The following JAK1 variants were observed in gnomAD, a reference collection of about 807,000 sequenced individuals.
JAK1 encodes the protein Janus kinase 1.
A neutral mutation model predicts 136.6 loss-of-function variants in JAK1; 16 were observed. The observed-to-expected ratio is 0.12, with a 90% CI of 0.08 to 0.18. JAK1 has a LOEUF of 0.18. Among genes scored for constraint, JAK1 ranks in the 10% least tolerant of loss-of-function variants. The pLI is 1.00. For missense variants in JAK1, 859 were observed against 1,450.1 expected (o/e 0.59, Z 6.62); for synonymous variants, 492 against 519.5 (o/e 0.95, Z 0.72).
intron 3 of JAK1, among the ~76,000 whole-genome samples, chr1:64,881,888 A>C (rs1236847856): frequency 6.6e-6 from 1 of 152,218 alleles, no homozygotes; most frequent in East Asian, 1.9e-4. Context: ...AGCTTGGCGA[A>C]GAGAATAAAC....
intron 1 of JAK1, among the ~76,000 whole-genome samples, chr1:64,961,789 C>T (rs576543211): frequency 2.6e-5 from 4 of 152,288 alleles, no homozygotes; most frequent in Admixed American, 1.3e-4. Context: ...AAGGGCTCCA[C>T]GCAGGAATTA....
rs192975452 is a variant in JAK1 at position 65,055,909 on chromosome 1, A to G, written c.-180-11327T>C. Among the ~76,000 whole-genome samples the G allele has an allele frequency of 2.0e-3, 300 of 152,358 alleles. 2 individuals are homozygous for G. Among genetic ancestry groups the G allele is most frequent in the African/African-American group, 7.0e-3 (292 of 41,578 alleles). On this transcript the variant is annotated intron_variant, in intron 1 of 25. Transcript: ENST00000671954. ...AGGCCTGGTTGTAGATTTTGAGGTCAAGGTTGGGTAAGTATAAAACCCAAT... is the reference window on the plus strand; with the variant it reads ...AGGCCTGGTTGTAGATTTTGAGGTCGAGGTTGGGTAAGTATAAAACCCAAT...
At chr1:64,898,829 T>A (rs1645064035) in intron 1 of JAK1, among the ~76,000 whole-genome samples, 1 of 152,198 alleles carries the variant, frequency 6.6e-6, no homozygotes, top group Non-Finnish European at 1.5e-5. Context: ...GCCAAAACTG[T>A]GCTTGTTCAG....
At chr1:65,018,066 C>T (rs1370555500) in intron 2 of JAK1, among the ~76,000 whole-genome samples, 2 of 152,114 alleles carry the variant, frequency 1.3e-5, no homozygotes, top group Non-Finnish European at 2.9e-5. Flanking sequence ...CCGCCTCAGC[C>T]TCCCAAAGTG....
chr1:65,055,220 T>C (rs960462976), intron 1 of JAK1, among the ~76,000 whole-genome samples: 1 of 152,166 alleles, frequency 6.6e-6, no homozygotes, highest in African/African-American at 2.4e-5. Context: ...ATTTAACGAC[T>C]CTAGGAGCCT....
chr1:65,045,165 T>C (rs886591986), intron 1 of JAK1, among the ~76,000 whole-genome samples: 2 of 152,190 alleles, frequency 1.3e-5, no homozygotes, highest in African/African-American at 4.8e-5. Flanking sequence ...GTCATACAGC[T>C]GGGGAGGAAG....
intron 11 of JAK1, among the ~76,000 whole-genome samples, chr1:64,855,264 G>A (rs74080764): frequency 0.014 from 2,171 of 152,292 alleles, 37 homozygotes; most frequent in African/African-American, 0.048. Context: ...TACTAATGCT[G>A]AGCATGCCTC....
At chr1:64,920,990 ATGC>A (rs1645484880) in intron 1 of JAK1, among the ~76,000 whole-genome samples, 1 of 152,244 alleles carries the variant, frequency 6.6e-6, no homozygotes, top group Non-Finnish European at 1.5e-5. Context: ...TATAAATGCT[ATGC>A]TTTAAGACAG....
intron 2 of JAK1, among the ~76,000 whole-genome samples, chr1:65,010,978 A>T (rs1646843978): frequency 6.6e-6 from 1 of 152,192 alleles, no homozygotes; most frequent in South Asian, 2.1e-4. Flanking sequence ...ACAGAGACAG[A>T]TCCTGTCTCT....
At chr1:65,056,923 T>TAAGAAAAA (rs1647567334) in intron 1 of JAK1, among the ~76,000 whole-genome samples, 1 of 118,748 alleles carries the variant, frequency 8.4e-6, no homozygotes, top group Non-Finnish European at 1.7e-5. Context: ...ACTCTTTCTT[T>TAAGAAAAA]AAAAAAAAAA....
At chr1:64,968,490 C>T (rs1458281056), upstream of JAK1, among the ~76,000 whole-genome samples, 5 of 152,122 alleles carry the variant, frequency 3.3e-5, no homozygotes, top group Admixed American at 3.3e-4. Flanking sequence ...CATATTCAGG[C>T]AGTAATAGTA....
At chr1:65,011,203 C>T (rs1019722666) in intron 2 of JAK1, among the ~76,000 whole-genome samples, 2 of 152,054 alleles carry the variant, frequency 1.3e-5, no homozygotes, top group South Asian at 2.1e-4. Flanking sequence ...TGGCTGGACA[C>T]GGTGGCTTAT....
intron 1 of JAK1, among the ~76,000 whole-genome samples, chr1:64,921,916 A>C (rs1379749911): frequency 1.3e-5 from 2 of 151,996 alleles, no homozygotes; most frequent in Non-Finnish European, 2.9e-5. Flanking sequence ...TACCAGCTAT[A>C]GCATGACTTC....
chr1:65,009,056 A>G (rs1392660712), intron 2 of JAK1, among the ~76,000 whole-genome samples: 1 of 152,244 alleles, frequency 6.6e-6, no homozygotes, highest in South Asian at 2.1e-4. Flanking sequence ...TTAAATGCTT[A>G]TGTTCACTAC....
At chr1:64,961,106 G>A (rs554814758) in intron 1 of JAK1, among the ~76,000 whole-genome samples, 1 of 152,072 alleles carries the variant, frequency 6.6e-6, no homozygotes, top group East Asian at 1.9e-4. Context: ...AACAACTCTT[G>A]CCTCTTAGGT....
intron 2 of JAK1, among the ~76,000 whole-genome samples, chr1:65,007,868 C>T: frequency 6.6e-6 from 1 of 151,976 alleles, no homozygotes; most frequent in East Asian, 1.9e-4. Context: ...GCCTCAGCCT[C>T]CTGAGTAAGT....
chr1:65,063,907 G>T (rs890730195), intron 1 of JAK1, among the ~76,000 whole-genome samples: 1 of 151,686 alleles, frequency 6.6e-6, no homozygotes, highest in African/African-American at 2.4e-5. Context: ...TATAATGCAA[G>T]CTACACATGT....
chr1:64,945,050 C>G (rs1306583839), intron 1 of JAK1, among the ~76,000 whole-genome samples: 1 of 151,812 alleles, frequency 6.6e-6, no homozygotes, highest in East Asian at 1.9e-4. Context: ...TCGGGATGGG[C>G]AGAACCCCTA....
chr1:65,049,982 T>C (rs1369192870), intron 1 of JAK1, among the ~76,000 whole-genome samples: 2 of 152,140 alleles, frequency 1.3e-5, no homozygotes, highest in East Asian at 1.9e-4. Context: ...GTGGGGGCAA[T>C]GTGAGAATTG....
Sources: allele counts gnomAD v4.1 joint callset (sites outside exome capture counted in the v4.1 genomes callset), GRCh38; gene constraint gnomAD v4.1.1; transcripts MANE v1.5; gene names NCBI Gene and HGNC (gene_info 2026-07-23, HGNC 2026-07-21).